Variants in CDK7 observed in about 807,000 individuals in gnomAD.
CDK7 encodes the protein cyclin dependent kinase 7, also known as cyclin-dependent kinase 7.
A neutral mutation model predicts 49.1 loss-of-function variants in CDK7; 25 were observed. The ratio of observed to expected loss-of-function variants is 0.51; its 90% CI spans 0.37 to 0.71. CDK7 has a LOEUF of 0.71. CDK7 is among the 30% of genes least tolerant of loss of function. The pLI is 0.00. For missense variants in CDK7, 316 were observed against 411.7 expected, an observed-to-expected ratio of 0.77 and a Z score of 2.01; for synonymous variants, 107 against 140.0, an observed-to-expected ratio of 0.76 and a Z score of 1.67.
At chr5:69,263,359 C>T (rs1336412166) in intron 8 of CDK7, among the ~76,000 whole-genome samples, 1 of 152,082 alleles carries the variant, frequency 6.6e-6, no homozygotes, top group Non-Finnish European at 1.5e-5. Flanking sequence ...TCCTTGAACA[C>T]AGAAAACAAC....
Position 69,254,627 on chromosome 5 carries a change from G to C in CDK7, c.186G>C (p.Glu62Asp), listed in dbSNP as rs781305946. 1 of 1,527,472 alleles carries C rather than the reference G, an allele frequency of 6.5e-7. No individual in the cohort carries two copies. 94.6% of individuals were successfully genotyped at this position (1,527,472 alleles called of 1,614,324 possible). A position where few individuals can be genotyped will look rare whatever the true frequency, so the allele number is the denominator to read the frequency against. Residue 62 changes from glutamate (E) to aspartate (D), a missense_variant, in exon 4 of 12, where the codon GAG (glutamate) becomes GAC (aspartate). By Grantham distance (45) the Glu-to-Asp change is conservative. Coordinates refer to ENST00000256443, the MANE Select transcript of CDK7 (RefSeq NM_001799.4). ...KDGINRTALREIKLLQELSHP... is the reference protein window; with the variant it reads ...KDGINRTALRDIKLLQELSHP... ...GTATAAATAGAACCGCCTTAAGAGA[G>C]ATAAAATTATTACAGGAGCTAAGTC...
chr5:69,242,589 C>T (rs150685937), intron 2 of CDK7, among the ~76,000 whole-genome samples: 210 of 152,252 alleles, frequency 1.4e-3, no homozygotes, highest in African/African-American at 4.8e-3. Flanking sequence ...ATTCTAACCT[C>T]GTGTAATTTT....
intron 2 of CDK7, among the ~76,000 whole-genome samples, chr5:69,244,328 G>A (rs754091743): frequency 4.6e-5 from 7 of 151,938 alleles, no homozygotes; most frequent in African/African-American, 1.5e-4. Flanking sequence ...AGTTCTAGTC[G>A]TTTTTTGGTG....
At chr5:69,260,443 CAG>C (rs1750745178) in intron 7 of CDK7, among the ~76,000 whole-genome samples, 2 of 151,952 alleles carry the variant, frequency 1.3e-5, no homozygotes, top group South Asian at 4.1e-4. Flanking sequence ...CCTTTTCAAA[CAG>C]AGTCTAACTT....
intron 3 of CDK7, 43 bp downstream of exon 3, chr5:69,252,494 C>CTTT (rs138764556): frequency 3.8e-4 from 137 of 364,186 alleles, no homozygotes; most frequent in South Asian, 1.1e-3. Flanking sequence ...AAGTTTTCTC[C>CTTT]TTTTTTTTTT....
chr5:69,235,271 C>A, intron 1 of CDK7, 123 bp from the exon 2 acceptor site: 3 of 829,072 alleles, frequency 3.6e-6, no homozygotes, highest in South Asian at 2.9e-5. Flanking sequence ...TGACCCGCCA[C>A]GTTTCCAGCC....
intron 7 of CDK7, 48 bp downstream of exon 7, chr5:69,259,984 G>A (rs533218664): frequency 9.1e-7 from 1 of 1,097,678 alleles, no homozygotes; most frequent in Non-Finnish European, 1.4e-6. Flanking sequence ...TCAGAAATGA[G>A]CATCAACTGG....
chr5:69,242,579 A>G (rs1158826165), intron 2 of CDK7, among the ~76,000 whole-genome samples: 1 of 152,238 alleles, frequency 6.6e-6, no homozygotes, highest in Non-Finnish European at 1.5e-5. Context: ...CTAAACAATA[A>G]TTCTAACCTC....
At chr5:69,263,572 AACTT>A (rs1349214199) in intron 8 of CDK7, among the ~76,000 whole-genome samples, 1 of 152,198 alleles carries the variant, frequency 6.6e-6, no homozygotes, top group Non-Finnish European at 1.5e-5. Flanking sequence ...CATTTTGAGA[AACTT>A]ACCCAATGGG....
At chr5:69,268,635 A>G (rs1483931215) in intron 8 of CDK7, among the ~76,000 whole-genome samples, 2 of 141,382 alleles carry the variant, frequency 1.4e-5, no homozygotes, top group East Asian at 2.2e-4. Context: ...GGCAAATCAC[A>G]ATGTCAGGAG....
intron 8 of CDK7, among the ~76,000 whole-genome samples, chr5:69,264,563 T>G (rs1205914796): frequency 6.6e-6 from 1 of 152,032 alleles, no homozygotes; most frequent in East Asian, 1.9e-4. Context: ...ATTAACAGAT[T>G]GATCCAGGAT....
At chr5:69,265,681 G>A (rs950780483) in intron 8 of CDK7, among the ~76,000 whole-genome samples, 4 of 152,024 alleles carry the variant, frequency 2.6e-5, no homozygotes, top group African/African-American at 4.8e-5. Flanking sequence ...AGGCCAAGGC[G>A]GGTGGATCAC....
intron 8 of CDK7, among the ~76,000 whole-genome samples, chr5:69,263,334 A>G (rs1166814707): frequency 6.6e-6 from 1 of 152,208 alleles, no homozygotes; most frequent in African/African-American, 2.4e-5. Context: ...ACCAAGATTG[A>G]ATAGCTTTTT....
chr5:69,269,835 A>G (rs1194881082), intron 9 of CDK7, among the ~76,000 whole-genome samples: 1 of 151,342 alleles, frequency 6.6e-6, no homozygotes, highest in Admixed American at 6.6e-5. Context: ...GTTCTGCCTC[A>G]GCCTCCCAAA....
chr5:69,244,034 A>G (rs984021131), intron 2 of CDK7, among the ~76,000 whole-genome samples: 3 of 145,418 alleles, frequency 2.1e-5, no homozygotes, highest in Non-Finnish European at 3.0e-5. Flanking sequence ...GGGTTTCACT[A>G]TGTTGGCCAG....
intron 2 of CDK7, among the ~76,000 whole-genome samples, chr5:69,248,769 G>A (rs1300991722): frequency 6.9e-6 from 1 of 145,442 alleles, no homozygotes; most frequent in Non-Finnish European, 1.5e-5. Context: ...AAACCTGCTT[G>A]GTATTCTATA....
intron 2 of CDK7, among the ~76,000 whole-genome samples, chr5:69,249,676 G>A (rs755346397): frequency 1.4e-4 from 21 of 152,104 alleles, no homozygotes; most frequent in Non-Finnish European, 1.2e-4. Context: ...GTGAAGCCTC[G>A]TCTCTACTAA....
chr5:69,249,069 T>C (rs1312384342), intron 2 of CDK7, among the ~76,000 whole-genome samples: 1 of 152,056 alleles, frequency 6.6e-6, no homozygotes, highest in African/African-American at 2.4e-5. Flanking sequence ...TCTTTGCCTC[T>C]CTCTCTCTAC....
At chr5:69,251,649 G>C (rs1375064597) in intron 2 of CDK7, among the ~76,000 whole-genome samples, 1 of 152,076 alleles carries the variant, frequency 6.6e-6, no homozygotes, top group Non-Finnish European at 1.5e-5. Context: ...TCCTGCTTCA[G>C]CCTCCTGAGT....
Sources: gnomAD v4.1 joint callset for allele counts (sites outside exome capture counted in the v4.1 genomes callset) on GRCh38, gnomAD v4.1.1 for gene constraint, MANE v1.5 for transcripts, NCBI Gene and HGNC (gene_info 2026-07-23, HGNC 2026-07-21) for gene names.